ATP10D: variants seen among roughly 807,000 people sequenced by gnomAD.
ATP10D encodes ATPase phospholipid transporting 10D (putative).
In ATP10D, 89 loss-of-function variants were observed where a neutral mutation model predicts 144.8. The observed-to-expected ratio is 0.61, with a 90% CI of 0.52 to 0.73. ATP10D has a LOEUF of 0.73. ATP10D is among the 30% of genes least tolerant of loss of function. ATP10D has a pLI of 0.00. For missense variants in ATP10D, 1,603 were observed against 1,714.8 expected (o/e 0.93, Z 1.15); for synonymous variants, 571 against 615.1 (o/e 0.93, Z 1.06).
Position 47,591,646 on chromosome 4 carries a change from A to T in ATP10D, c.*265A>T, listed in dbSNP as rs1240602736. On this transcript the variant is annotated 3_prime_UTR_variant, in exon 23 of 23. Transcript: ENST00000273859. ...TGTAAAACTTTTTGGATTTTGTAAA[A>T]GCATTTTCATTCTCTTAGAAATTCA... is the stretch of plus-strand genomic sequence containing the variant. The T allele has an allele frequency of 3.8e-6, 1 of 264,590 alleles. No homozygotes were observed. Among genetic ancestry groups the T allele is most frequent in the Admixed American group, 5.3e-5 (1 of 18,950 alleles). The allele number at this position is 264,590 out of a possible 1,614,324, so 16.4% of individuals were successfully genotyped here. A position where few individuals can be genotyped will look rare whatever the true frequency, so the allele number is the denominator to read the frequency against.
intron 2 of ATP10D, among the ~76,000 whole-genome samples, chr4:47,513,112 A>G (rs1716447839): frequency 6.6e-6 from 1 of 152,368 alleles, no homozygotes; most frequent in Middle Eastern, 3.4e-3. Flanking sequence ...GCCAATGTCA[A>G]GTAGCAGACC....
In ATP10D at chr4:47,592,401, G is replaced by A. The variant is rs971725115; in HGVS notation, c.*1020G>A. The A allele has an allele frequency of 1.3e-5, 2 of 152,558 alleles. No individual in the cohort carries two copies. The highest frequency in any genetic ancestry group is 4.8e-5 in the African/African-American group (2 of 41,446). The allele number at this position is 152,558 out of a possible 1,614,324, so 9.5% of individuals were successfully genotyped here. ...CAAGTTGTTCTCTGGAGGTTTCTAT[G>A]AGGTTCTTAGAAAAATTTGGTTTTA... On this transcript the variant is annotated 3_prime_UTR_variant, in exon 23 of 23. Transcript: ENST00000273859.
Position 47,540,239 on chromosome 4 carries a change from G to C in ATP10D, c.1396+3301G>C, listed in dbSNP as rs947919629. ...TAGTCCTTTAGGGTTTTCTGCAAAA[G>C]TGTTGCCTAGGAGACAATTTGGTGA... On this transcript the variant is annotated intron_variant, in intron 9 of 22. Transcript: ENST00000273859. 2.0e-5 allele frequency among the ~76,000 whole-genome samples: 3 copies of C among 152,284 alleles called. No individual in the cohort carries two copies. The East Asian group carries it at 5.8e-4, about 29-fold the overall frequency.
In ATP10D at chr4:47,558,229, G is replaced by A; in HGVS notation, c.2390G>A (p.Gly797Asp). 6.2e-7 allele frequency: 1 copy of A among 1,614,138 alleles called. No individual in the cohort carries two copies. Among genetic ancestry groups the A allele is most frequent in the Non-Finnish European group, 8.5e-7 (1 of 1,179,986 alleles). The stretch of plus-strand genomic sequence containing the variant: ...AATCAAGTTGTGGTGTATACGAAAG[G>A]CGCTGATTCTGTGATCATGGAGTTA... ...LSNQVVVYTK[G>D]ADSVIMELLS... Residue 797 changes from glycine (G) to aspartate (D), a missense_variant, in exon 12 of 23, where the codon GGC becomes GAC. Transcript: ENST00000273859.
chr4:47,582,069 G>C lies in ATP10D; in HGVS notation c.3753+5G>C. 2 of 1,609,798 alleles carry C rather than the reference G, an allele frequency of 1.2e-6. No homozygotes were observed. The highest frequency in any genetic ancestry group is 1.7e-6 in the Non-Finnish European group (2 of 1,176,144). ...GTCATTGAAAGCAAGAGTTTGGTGAGTGGTTTTCTTGCCTCTGAAGTAGCC... is the reference window on the plus strand; with the variant it reads ...GTCATTGAAAGCAAGAGTTTGGTGACTGGTTTTCTTGCCTCTGAAGTAGCC... On this transcript the variant is annotated splice_donor_5th_base_variant and intron_variant, in intron 21 of 22. Transcript: ENST00000273859.
chr4:47,523,612 G>T (rs1373419079), intron 4 of ATP10D, among the ~76,000 whole-genome samples: 1 of 152,118 alleles, frequency 6.6e-6, no homozygotes, highest in Non-Finnish European at 1.5e-5. Context: ...TCTCAGTATT[G>T]TGCAGACGGA....
At position 47,485,334 on chromosome 4, in the gene ATP10D, G is replaced by C. The variant is rs1258995181; in HGVS notation, c.-223G>C. The C allele has an allele frequency of 6.6e-6, 1 of 152,340 alleles. No individual in the cohort carries two copies. Among genetic ancestry groups the C allele is most frequent in the African/African-American group, 2.4e-5 (1 of 41,444 alleles). The allele number at this position is 152,340 out of a possible 1,614,324, so 9.4% of individuals were successfully genotyped here. On this transcript the variant is annotated 5_prime_UTR_variant, in exon 1 of 23. Transcript: ENST00000273859. ...AGAAGTAGGTTGCGAGCTCAGCACA[G>C]GCTCCGGCGCTGGCTCCCGCAGCTG...
At chr4:47,504,616 GCA>G (rs1484073152) in intron 1 of ATP10D, among the ~76,000 whole-genome samples, 1 of 151,942 alleles carries the variant, frequency 6.6e-6, no homozygotes, top group Non-Finnish European at 1.5e-5. Context: ...AGGCTGGAGT[GCA>G]GTGGCGTGAT....
intron 3 of ATP10D, among the ~76,000 whole-genome samples, chr4:47,519,785 T>C (rs1716855380): frequency 6.6e-6 from 1 of 152,184 alleles, no homozygotes. Context: ...TGTAGACAGC[T>C]CCCTTTTAGG....
intron 4 of ATP10D, among the ~76,000 whole-genome samples, chr4:47,524,628 C>T (rs186617156): frequency 3.3e-5 from 5 of 152,294 alleles, no homozygotes; most frequent in East Asian, 3.9e-4. Context: ...CTGGTGACCT[C>T]GATTGTAATC....
At chr4:47,498,593 T>A (rs1715519883) in intron 1 of ATP10D, among the ~76,000 whole-genome samples, 1 of 152,238 alleles carries the variant, frequency 6.6e-6, no homozygotes, top group African/African-American at 2.4e-5. Context: ...TAATACTTAT[T>A]ATACATTGAT....
intron 10 of ATP10D, 81 bp from the exon 11 acceptor site, chr4:47,554,645 A>G (rs1718885269): frequency 4.4e-6 from 5 of 1,142,814 alleles, no homozygotes; most frequent in Non-Finnish European, 3.7e-6. Flanking sequence ...GATCCTGGCT[A>G]TACAAGTTAT....
At position 47,579,414 on chromosome 4, in the gene ATP10D, A is replaced by G. The variant is rs182583743; in HGVS notation, c.3568-984A>G. Among the ~76,000 whole-genome samples, 12 of 152,308 alleles carry G rather than the reference A, an allele frequency of 7.9e-5. No individual in the cohort carries two copies. In the East Asian group the frequency reaches 2.3e-3, roughly 29 times the overall value. ...GAACTAGAGCATTTATTAAACAGAG[A>G]GAATTATTCCTGATGGTGATGAGAT... On this transcript the variant is annotated intron_variant, in intron 19 of 22. Coordinates refer to ENST00000273859, the MANE Select transcript of ATP10D (RefSeq NM_020453.4).
chr4:47,555,126 G>A (rs1487532078), intron 11 of ATP10D, among the ~76,000 whole-genome samples: 1 of 152,212 alleles, frequency 6.6e-6, no homozygotes, highest in Non-Finnish European at 1.5e-5. Flanking sequence ...ACAGTCTGTG[G>A]CCTGTTAGGA....
chr4:47,557,366 T>C (rs1410421354), intron 11 of ATP10D, among the ~76,000 whole-genome samples: 1 of 152,060 alleles, frequency 6.6e-6, no homozygotes, highest in Non-Finnish European at 1.5e-5. Flanking sequence ...AGTTGTCAAA[T>C]TTCTTTCTAA....
intron 14 of ATP10D, among the ~76,000 whole-genome samples, chr4:47,563,238 C>G (rs961013272): frequency 6.6e-6 from 1 of 152,068 alleles, no homozygotes; most frequent in Non-Finnish European, 1.5e-5. Flanking sequence ...AAAATAAAAT[C>G]CCACCCTTAT....
intron 20 of ATP10D, 21 bp from the exon 21 acceptor site, chr4:47,581,939 T>C: frequency 2.5e-6 from 4 of 1,592,718 alleles, no homozygotes; most frequent in South Asian, 1.1e-5. Context: ...TCCAGGATCA[T>C]CTAATGTCCT....
intron 9 of ATP10D, among the ~76,000 whole-genome samples, chr4:47,538,139 A>G (rs1446399992): frequency 6.6e-6 from 1 of 152,166 alleles, no homozygotes; most frequent in Non-Finnish European, 1.5e-5. Flanking sequence ...ACAAGTTAGC[A>G]CTTCATTGTC....
chr4:47,583,336 T>C (rs1188855027), intron 21 of ATP10D: 2 of 152,246 alleles, frequency 1.3e-5, no homozygotes, highest in African/African-American at 4.8e-5. Flanking sequence ...TTTTGGGTTA[T>C]GTTTACCGTC....
Sources: allele counts gnomAD v4.1 joint callset (sites outside exome capture counted in the v4.1 genomes callset), GRCh38; gene constraint gnomAD v4.1.1; transcripts MANE v1.5; gene names NCBI Gene and HGNC (gene_info 2026-07-23, HGNC 2026-07-21).